BMAL1: variants seen among roughly 807,000 people sequenced by gnomAD.
The protein encoded by BMAL1 is basic helix-loop-helix ARNT like 1.
the BMAL1 span, among the ~76,000 whole-genome samples, chr11:13,314,286 C>T: frequency 6.6e-6 from 1 of 151,782 alleles, no homozygotes; most frequent in African/African-American, 2.4e-5. Context: ...GTCTCTCTCT[C>T]TCTGTTCCAA....
chr11:13,320,009 C>T, the BMAL1 span, among the ~76,000 whole-genome samples: 6 of 152,228 alleles, frequency 3.9e-5, no homozygotes, highest in African/African-American at 7.2e-5. Context: ...TCCAAGACTT[C>T]TGGTGGTCAC....
At chr11:13,291,503 C>T in the BMAL1 span, among the ~76,000 whole-genome samples, 13 of 152,242 alleles carry the variant, frequency 8.5e-5, no homozygotes, top group South Asian at 2.7e-3. Flanking sequence ...TATGACATCT[C>T]CTAGTGTTAT....
chr11:13,385,444 T>C, the BMAL1 span, among the ~76,000 whole-genome samples: 1 of 152,224 alleles, frequency 6.6e-6, no homozygotes, highest in Admixed American at 6.5e-5. Flanking sequence ...TGAATGCTCT[T>C]GGGATTTTAT....
the BMAL1 span, among the ~76,000 whole-genome samples, chr11:13,352,306 G>A: frequency 6.6e-6 from 1 of 152,192 alleles, no homozygotes; most frequent in African/African-American, 2.4e-5. Context: ...GGATTGCTGG[G>A]CGGCATGCAG....
At chr11:13,300,558 A>G in the BMAL1 span, among the ~76,000 whole-genome samples, 2 of 152,262 alleles carry the variant, frequency 1.3e-5, no homozygotes, top group South Asian at 2.1e-4. Flanking sequence ...AGGGGAGCCA[A>G]TAAATCCTTG....
At chr11:13,339,616 C>T in the BMAL1 span, among the ~76,000 whole-genome samples, 2 of 152,112 alleles carry the variant, frequency 1.3e-5, no homozygotes, top group African/African-American at 4.8e-5. Flanking sequence ...GTCTCCTCTC[C>T]CTAGCATGCC....
chr11:13,331,254 T>C, the BMAL1 span, among the ~76,000 whole-genome samples: 2 of 152,036 alleles, frequency 1.3e-5, no homozygotes, highest in South Asian at 2.1e-4. Context: ...GTAGAGAAAA[T>C]GAGAGTGGGG....
chr11:13,360,836 A>C, the BMAL1 span, among the ~76,000 whole-genome samples: 1 of 152,354 alleles, frequency 6.6e-6, no homozygotes, highest in Non-Finnish European at 1.5e-5. Flanking sequence ...TCTCATCAAA[A>C]TAACAAAACT....
the BMAL1 span, among the ~76,000 whole-genome samples, chr11:13,378,170 C>T: frequency 6.6e-6 from 1 of 152,206 alleles, no homozygotes; most frequent in Non-Finnish European, 1.5e-5. Context: ...GAGCCTTTCC[C>T]TGCTGGAATG....
the BMAL1 span, among the ~76,000 whole-genome samples, chr11:13,298,041 A>C: frequency 6.6e-6 from 1 of 152,266 alleles, no homozygotes; most frequent in Non-Finnish European, 1.5e-5. Context: ...AAATCTTAGC[A>C]TGGCCCTCAG....
chr11:13,288,819 C>G, the BMAL1 span, among the ~76,000 whole-genome samples: 4 of 152,114 alleles, frequency 2.6e-5, no homozygotes, highest in Non-Finnish European at 4.4e-5. Flanking sequence ...TTATCAGTCA[C>G]CCTTTAGATT....
the BMAL1 span, among the ~76,000 whole-genome samples, chr11:13,279,535 C>T: frequency 1.3e-5 from 2 of 152,148 alleles, no homozygotes; most frequent in Non-Finnish European, 2.9e-5. Context: ...CATTGCTGCT[C>T]CTGAGCAGTT....
At chr11:13,299,770 G>A in the BMAL1 span, among the ~76,000 whole-genome samples, 3 of 152,178 alleles carry the variant, frequency 2.0e-5, no homozygotes, top group Non-Finnish European at 4.4e-5. Context: ...CTGAGAAGTC[G>A]GAGGCCTTGG....
At chr11:13,319,260 C>T in the BMAL1 span, among the ~76,000 whole-genome samples, 1 of 152,212 alleles carries the variant, frequency 6.6e-6, no homozygotes, top group Non-Finnish European at 1.5e-5. Flanking sequence ...GATAGACACT[C>T]AGGTTGTTTC....
the BMAL1 span, chr11:13,376,665 C>G: frequency 6.2e-7 from 1 of 1,613,988 alleles, no homozygotes; most frequent in Non-Finnish European, 8.5e-7. Flanking sequence ...AGGCGGGGAC[C>G]CAACCTTCCC....
chr11:13,378,207 A>G, the BMAL1 span: 1 of 1,273,648 alleles, frequency 7.9e-7, no homozygotes, highest in Non-Finnish European at 1.0e-6. Flanking sequence ...TGTAGCCCTA[A>G]AGTCCCTCAA....
At chr11:13,366,428 A>T in the BMAL1 span, among the ~76,000 whole-genome samples, 10 of 152,222 alleles carry the variant, frequency 6.6e-5, no homozygotes, top group Non-Finnish European at 2.9e-5. Context: ...TTAGAAGAGC[A>T]TAAACTGTTT....
chr11:13,368,563 T>TG, the BMAL1 span, among the ~76,000 whole-genome samples: 2 of 152,054 alleles, frequency 1.3e-5, no homozygotes, highest in African/African-American at 4.8e-5. Flanking sequence ...GGGAGGTAGA[T>TG]GGGATGGGAG....
chr11:13,369,774 AT>A, the BMAL1 span: 1 of 1,608,150 alleles, frequency 6.2e-7, no homozygotes, highest in South Asian at 1.1e-5. Flanking sequence ...AAAGGTAACA[AT>A]TTAACAGTCC....
Sources: allele counts gnomAD v4.1 joint callset (sites outside exome capture counted in the v4.1 genomes callset), GRCh38; gene constraint gnomAD v4.1.1; transcripts MANE v1.5; gene names NCBI Gene and HGNC (gene_info 2026-07-23, HGNC 2026-07-21).